GMDS: variants seen among roughly 807,000 people sequenced by gnomAD.
The protein encoded by GMDS is GDP-mannose 4,6-dehydratase.
In GMDS, 20 loss-of-function variants were observed where a neutral mutation model predicts 49.9. The ratio of observed to expected loss-of-function variants is 0.40; its 90% confidence interval spans 0.28 to 0.58. The LOEUF is 0.58. Among genes scored for constraint, GMDS ranks in the 20% least tolerant of loss-of-function variants. The pLI is 0.42. For missense variants in GMDS, 362 were observed against 481.4 expected, an observed-to-expected ratio of 0.75 and a Z score of 2.32; for synonymous variants, 177 against 178.6, an observed-to-expected ratio of 0.99 and a Z score of 0.07.
At chr6:2,195,989 C>A (rs1368096204) in intron 1 of GMDS, among the ~76,000 whole-genome samples, 1 of 151,806 alleles carries the variant, frequency 6.6e-6, no homozygotes, top group Admixed American at 6.6e-5. Flanking sequence ...CATAACATCC[C>A]AAGATGACAA....
intron 7 of GMDS, among the ~76,000 whole-genome samples, chr6:1,743,385 C>CAAAAAA (rs545641147): frequency 1.7e-5 from 2 of 120,322 alleles, no homozygotes; most frequent in Non-Finnish European, 3.7e-5. Context: ...ACTAAAAATA[C>CAAAAAA]AAAAAAAATT....
chr6:1,778,940 G>A lies in GMDS; in HGVS notation c.772-36354C>T, dbSNP rs1048645599. 2.4e-4 allele frequency among the ~76,000 whole-genome samples: 36 copies of A among 151,926 alleles called. No individual in the cohort carries two copies. The highest frequency in any genetic ancestry group is 2.4e-3 in the Admixed American group (36 of 15,254). On this transcript the variant is annotated intron_variant, in intron 7 of 10. Transcript: ENST00000380815. This position sits in a 1 kb window ranked among gnomAD's most constrained non-coding sequence, Gnocchi z 4.6. ...CCTGGTTCAGGTTTCTTATTGCCGTGTCTGGCCCTTCAAAGGCCTACCCCA... is the reference window on the plus strand; with the variant it reads ...CCTGGTTCAGGTTTCTTATTGCCGTATCTGGCCCTTCAAAGGCCTACCCCA...
intron 7 of GMDS, among the ~76,000 whole-genome samples, chr6:1,826,146 C>T (rs1005871623): frequency 2.0e-5 from 3 of 152,156 alleles, no homozygotes; most frequent in African/African-American, 7.2e-5. Flanking sequence ...TAGGACATGA[C>T]TGCACACTAC....
chr6:1,699,915 A>G (rs557419749), intron 9 of GMDS, among the ~76,000 whole-genome samples: 1 of 152,222 alleles, frequency 6.6e-6, no homozygotes, highest in African/African-American at 2.4e-5. Context: ...CACAGCCTCC[A>G]TACGCAGAGG....
intron 7 of GMDS, among the ~76,000 whole-genome samples, chr6:1,804,748 T>C (rs902303554): frequency 6.6e-6 from 1 of 152,176 alleles, no homozygotes; most frequent in African/African-American, 2.4e-5. Context: ...GGCAGAAATG[T>C]GTTTATTCTA....
chr6:1,794,928 G>T (rs907777206), intron 7 of GMDS, among the ~76,000 whole-genome samples: 1 of 152,206 alleles, frequency 6.6e-6, no homozygotes, highest in Non-Finnish European at 1.5e-5. Flanking sequence ...GCTCACCCCT[G>T]TAATCCCAGC....
intron 7 of GMDS, among the ~76,000 whole-genome samples, chr6:1,818,086 A>T (rs1289374657): frequency 1.3e-5 from 2 of 152,160 alleles, no homozygotes. Context: ...AACTATGCAA[A>T]TACATAATCT....
intron 4 of GMDS, among the ~76,000 whole-genome samples, chr6:1,995,628 C>T (rs973512935): frequency 5.9e-5 from 9 of 152,188 alleles, no homozygotes; most frequent in Admixed American, 2.6e-4. Flanking sequence ...CACCACTGCC[C>T]CCAGCTGCAC....
intron 7 of GMDS, among the ~76,000 whole-genome samples, chr6:1,881,480 C>T (rs892614396): frequency 6.6e-6 from 1 of 152,148 alleles, no homozygotes; most frequent in Non-Finnish European, 1.5e-5. Context: ...GGATTTTGAA[C>T]TGCCTAAAGC....
At chr6:1,684,493 C>T (rs779631236) in intron 9 of GMDS, among the ~76,000 whole-genome samples, 1 of 152,126 alleles carries the variant, frequency 6.6e-6, no homozygotes, top group South Asian at 2.1e-4. Context: ...TCCACACGAA[C>T]GAAGACTATG....
chr6:1,857,412 A>G (rs1757986095), intron 7 of GMDS, among the ~76,000 whole-genome samples: 1 of 152,172 alleles, frequency 6.6e-6, no homozygotes, highest in South Asian at 2.1e-4. Context: ...GGTGTGTTAC[A>G]TTGGATCTGG....
intron 1 of GMDS, among the ~76,000 whole-genome samples, chr6:2,127,134 C>T (rs954817117): frequency 1.6e-4 from 24 of 152,032 alleles, no homozygotes; most frequent in African/African-American, 5.6e-4. Flanking sequence ...CAATTCAGAC[C>T]ATGACAAGCC....
chr6:2,225,936 A>G (rs1780794118), intron 1 of GMDS, among the ~76,000 whole-genome samples: 2 of 152,168 alleles, frequency 1.3e-5, no homozygotes, highest in African/African-American at 4.8e-5. Flanking sequence ...CTGCCATTCC[A>G]GCTTTCCTGC....
At chr6:1,700,503 G>T (rs571550078) in intron 9 of GMDS, among the ~76,000 whole-genome samples, 1 of 152,232 alleles carries the variant, frequency 6.6e-6, no homozygotes, top group Admixed American at 6.5e-5. Context: ...TTCTCCCCTG[G>T]GAGAAAAGCA....
chr6:2,101,934 G>C (rs999002291), intron 4 of GMDS, among the ~76,000 whole-genome samples: 1 of 152,012 alleles, frequency 6.6e-6, no homozygotes, highest in Non-Finnish European at 1.5e-5. Context: ...ACAAAACTTT[G>C]GTATTTTAAC....
At chr6:2,005,554 A>G (rs1767107744) in intron 4 of GMDS, among the ~76,000 whole-genome samples, 19 of 152,220 alleles carry the variant, frequency 1.2e-4, no homozygotes, top group Admixed American at 1.2e-3. Flanking sequence ...GTACAGCAGA[A>G]AAAAGTCTAG....
intron 9 of GMDS, among the ~76,000 whole-genome samples, chr6:1,675,531 G>A (rs1253335102): frequency 6.6e-6 from 1 of 152,110 alleles, no homozygotes; most frequent in Non-Finnish European, 1.5e-5. Flanking sequence ...GATCTTGGGG[G>A]AAAGCATCTA....
chr6:2,229,408 C>T (rs1045411730), intron 1 of GMDS, among the ~76,000 whole-genome samples: 2 of 89,242 alleles, frequency 2.2e-5, no homozygotes, highest in African/African-American at 3.8e-5. Flanking sequence ...CCTGTTTCTA[C>T]AAAAAAAAAA....
chr6:1,849,213 T>C (rs529439668), intron 7 of GMDS, among the ~76,000 whole-genome samples: 126 of 152,348 alleles, frequency 8.3e-4, no homozygotes, highest in African/African-American at 2.8e-3. Context: ...ACTTCTATTA[T>C]GTATAAGGCA....
Sources: gnomAD v4.1 joint callset for allele counts (sites outside exome capture counted in the v4.1 genomes callset) on GRCh38, gnomAD v4.1.1 for gene constraint, Gnocchi (gnomAD v3.1) non-coding constraint, MANE v1.5 for transcripts, NCBI Gene and HGNC (gene_info 2026-07-23, HGNC 2026-07-21) for gene names.